The following TAOK3 variants were observed in gnomAD, a reference collection of about 807,000 sequenced individuals.
The protein encoded by TAOK3 is TAO kinase 3.
In TAOK3, 40 loss-of-function variants were observed where a neutral mutation model predicts 120.4. The ratio of observed to expected loss-of-function variants is 0.33; its 90% CI spans 0.26 to 0.43. The LOEUF is 0.43. TAOK3 is among the 20% of genes least tolerant of loss of function. The pLI is 1.00. For missense variants in TAOK3, 821 were observed against 1,112.1 expected (o/e 0.74, Z 3.72); for synonymous variants, 355 against 387.5 (o/e 0.92, Z 0.99).
chr12:118,195,979 G>C (rs1403083736), intron 13 of TAOK3, among the ~76,000 whole-genome samples: 2 of 152,044 alleles, frequency 1.3e-5, no homozygotes, highest in Admixed American at 6.5e-5. Context: ...GAACGCAGGA[G>C]GCGGAGCTTG....
In TAOK3 at chr12:118,160,126, C is replaced by T; in HGVS notation, c.2352+20G>A. On this transcript the variant is annotated intron_variant, in intron 19 of 20. Coordinates refer to ENST00000392533, the MANE Select transcript of TAOK3 (RefSeq NM_016281.4). This position sits in a 1 kb window ranked among gnomAD's most constrained non-coding sequence, Gnocchi z 4.2. ...ATTCCCAAAGCTCTCGAAGCCGTGG[C>T]ACCAAACCTAACCACTTACCGCTTG... 1 of 1,593,082 alleles carries T rather than the reference C, an allele frequency of 6.3e-7. No homozygotes were observed. Among genetic ancestry groups the T allele is most frequent in the Non-Finnish European group, 8.6e-7 (1 of 1,160,878 alleles).
intron 1 of TAOK3, among the ~76,000 whole-genome samples, chr12:118,308,196 C>T (rs961448516): frequency 3.9e-5 from 6 of 151,984 alleles, no homozygotes; most frequent in African/African-American, 1.5e-4. Context: ...ATACTCCCAC[C>T]AATGCCATGA....
chr12:118,244,269 C>T (rs1201647595), intron 4 of TAOK3, among the ~76,000 whole-genome samples: 4 of 151,716 alleles, frequency 2.6e-5, no homozygotes, highest in Admixed American at 6.6e-5. Context: ...CACCATATTG[C>T]CCAGGCTTGT....
At chr12:118,243,206 A>G (rs1427068722) in intron 5 of TAOK3, among the ~76,000 whole-genome samples, 1 of 152,168 alleles carries the variant, frequency 6.6e-6, no homozygotes, top group Non-Finnish European at 1.5e-5. Flanking sequence ...TGTTTATAGA[A>G]TGGAATTTCT....
intron 1 of TAOK3, among the ~76,000 whole-genome samples, chr12:118,321,511 C>T (rs1325726150): frequency 6.6e-6 from 1 of 152,140 alleles, no homozygotes; most frequent in East Asian, 1.9e-4. Context: ...CCTCCTACCT[C>T]GGTTTCCCAA....
intron 3 of TAOK3, among the ~76,000 whole-genome samples, chr12:118,245,479 G>T (rs375228254): frequency 6.7e-6 from 1 of 149,034 alleles, no homozygotes; most frequent in African/African-American, 2.5e-5. Flanking sequence ...CACCACACCT[G>T]GCTAATTTTT....
intron 1 of TAOK3, among the ~76,000 whole-genome samples, chr12:118,356,297 T>C (rs1409813519): frequency 6.4e-5 from 5 of 77,732 alleles, no homozygotes; most frequent in Admixed American, 5.0e-4. Context: ...GTCACTTTCT[T>C]TTTTTTTTTT....
chr12:118,322,552 C>A lies in TAOK3; in HGVS notation c.-194+50096G>T, dbSNP rs145325679. 8.4e-3 allele frequency among the ~76,000 whole-genome samples: 1,271 copies of A among 151,942 alleles called. 11 individuals are homozygous for A. Among genetic ancestry groups the A allele is most frequent in the African/African-American group, 0.028 (1,171 of 41,412 alleles). On this transcript the variant is annotated intron_variant, in intron 1 of 20. Coordinates refer to ENST00000392533, the MANE Select transcript of TAOK3 (RefSeq NM_016281.4). ...TGGTCTCTGATATAACTATTCAACTCTGTGTTGTAGTGTGAGAGCAGCCAT... is the reference window on the plus strand; with the variant it reads ...TGGTCTCTGATATAACTATTCAACTATGTGTTGTAGTGTGAGAGCAGCCAT...
intron 1 of TAOK3, among the ~76,000 whole-genome samples, chr12:118,349,543 C>A (rs1321828619): frequency 6.6e-6 from 1 of 151,908 alleles, no homozygotes; most frequent in Non-Finnish European, 1.5e-5. Flanking sequence ...TACAAAATGT[C>A]CAGAGTAGGC....
chr12:118,357,735 C>T (rs2045454613), intron 1 of TAOK3, among the ~76,000 whole-genome samples: 1 of 152,166 alleles, frequency 6.6e-6, no homozygotes, highest in South Asian at 2.1e-4. Context: ...TATTTCTGGA[C>T]TGCTAATATA....
chr12:118,269,110 T>C (rs1024216955), intron 1 of TAOK3, among the ~76,000 whole-genome samples: 2 of 148,346 alleles, frequency 1.3e-5, no homozygotes, highest in Non-Finnish European at 2.9e-5. Context: ...TCCTAGAAAA[T>C]AGTTTTCTTT....
chr12:118,363,998 GTAATCCCAGTTACGCCTA>G lies in TAOK3; in HGVS notation c.-194+8632_-194+8649del, dbSNP rs1487304237. On this transcript the variant is annotated intron_variant, in intron 1 of 20. Coordinates refer to ENST00000392533, the MANE Select transcript of TAOK3 (RefSeq NM_016281.4). ...TAGCTGGGCATGGTGACGCATGCCT[GTAATCCCAGTTACGCCTA>G]TAATCCCAGTTACTCGGGAGGCTGA... 2.0e-5 allele frequency among the ~76,000 whole-genome samples: 3 copies of G among 152,072 alleles called. No individual in the cohort carries two copies. In the South Asian group the frequency reaches 6.2e-4, roughly 32 times the overall value.
chr12:118,307,414 C>A (rs2043091750), intron 1 of TAOK3, among the ~76,000 whole-genome samples: 1 of 152,126 alleles, frequency 6.6e-6, no homozygotes, highest in African/African-American at 2.4e-5. Context: ...TTCCCTGACT[C>A]CCCCTCCCAC....
Position 118,181,481 on chromosome 12 carries a change from T to C in TAOK3, c.1456A>G (p.Met486Val), listed in dbSNP as rs1335953888. Residue 486 changes from methionine to valine, a missense_variant, in exon 15 of 21, where the codon ATG (methionine) becomes GTG (valine). Physicochemically the swap from Met to Val is conservative, Grantham distance 21. This residue lies in a region of TAOK3 where 354 missense variants were observed against 572.1 expected (regional missense o/e 0.62). Coordinates refer to ENST00000392533, the MANE Select transcript of TAOK3 (RefSeq NM_016281.4). ...TGTAGCTTGAGGCGGTGCTCGTCCA[T>C]CTCAGCCTTCAGCTTGTTCTCCAGG... ...IALENKLKAE[M>V]DEHRLKLQKE... 1.2e-6 allele frequency: 2 copies of C among 1,614,080 alleles called. No homozygotes were observed. The highest frequency in any genetic ancestry group is 1.7e-6 in the Non-Finnish European group (2 of 1,180,048).
chr12:118,203,721 G>T (rs897832958), intron 11 of TAOK3, among the ~76,000 whole-genome samples: 7 of 125,322 alleles, frequency 5.6e-5, no homozygotes, highest in Admixed American at 1.6e-4. Flanking sequence ...AAAAAAAAAA[G>T]AGTGAGGAGT....
intron 9 of TAOK3, among the ~76,000 whole-genome samples, chr12:118,232,120 G>A (rs1358358933): frequency 1.3e-5 from 2 of 152,170 alleles, no homozygotes; most frequent in Non-Finnish European, 2.9e-5. Context: ...ATTGGCTATA[G>A]TAAGAGTATT....
chr12:118,199,336 C>T, intron 12 of TAOK3, 79 bp from the exon 13 acceptor site: 4 of 1,178,584 alleles, frequency 3.4e-6, no homozygotes, highest in Non-Finnish European at 5.0e-6. Context: ...GTCAAGCACA[C>T]TCAATTTTGC....
At chr12:118,311,663 A>G (rs977073425) in intron 1 of TAOK3, among the ~76,000 whole-genome samples, 14 of 152,142 alleles carry the variant, frequency 9.2e-5, no homozygotes, top group Admixed American at 2.0e-4. Flanking sequence ...TAAAGATAGT[A>G]TTTAAAAACC....
At chr12:118,298,364 G>C (rs996390915) in intron 1 of TAOK3, among the ~76,000 whole-genome samples, 17 of 152,182 alleles carry the variant, frequency 1.1e-4, no homozygotes, top group African/African-American at 3.6e-4. Context: ...TAATGCCATT[G>C]CTGCTGGTCC....
Sources: gnomAD v4.1 joint callset for allele counts (sites outside exome capture counted in the v4.1 genomes callset) on GRCh38, gnomAD v4.1.1 for gene constraint, gnomAD v4.1.1 regional missense constraint, Gnocchi (gnomAD v3.1) non-coding constraint, MANE v1.5 for transcripts, NCBI Gene and HGNC (gene_info 2026-07-23, HGNC 2026-07-21) for gene names.